Variants in NAALADL2 observed in about 807,000 individuals in gnomAD.
The protein encoded by NAALADL2 is N-acetylated alpha-linked acidic dipeptidase like 2.
A neutral mutation model predicts 87.2 loss-of-function variants in NAALADL2; 76 were observed. That is an observed-to-expected ratio of 0.87 (90% CI 0.72 to 1.05). NAALADL2 has a LOEUF of 1.05. NAALADL2 is among the 50% of genes least tolerant of loss of function. The pLI is 0.00. For synonymous variants in NAALADL2, 354 were observed against 331.0 expected (o/e 1.07, Z -0.75); for missense variants, 1,089 against 945.8 (o/e 1.15, Z -1.99).
chr3:175,677,654 G>A (rs965047279), intron 11 of NAALADL2, among the ~76,000 whole-genome samples: 14 of 152,004 alleles, frequency 9.2e-5, no homozygotes, highest in Admixed American at 5.9e-4. Context: ...TCTAGGAACT[G>A]TAGCTCATTA....
At chr3:175,305,276 G>GTGTGTGTGTGTGTGTGTGTATGTT (rs1400967706) in intron 4 of NAALADL2, among the ~76,000 whole-genome samples, 1 of 139,834 alleles carries the variant, frequency 7.2e-6, no homozygotes, top group East Asian at 2.1e-4. Flanking sequence ...GTGTGTATGT[G>GTGTGTGTGTGTGTGTGTGTATGTT]TATGTGTGTG....
At chr3:175,008,657 T>A (rs1749369389) in intron 1 of NAALADL2, among the ~76,000 whole-genome samples, 1 of 152,076 alleles carries the variant, frequency 6.6e-6, no homozygotes, top group African/African-American at 2.4e-5. Flanking sequence ...TGGTGGTGGC[T>A]TTGTGTTCAA....
chr3:174,509,395 C>T (rs1463885365), intron 1 of NAALADL2, among the ~76,000 whole-genome samples: 5 of 125,456 alleles, frequency 4.0e-5, no homozygotes, highest in Non-Finnish European at 7.0e-5. Context: ...GGTGTCTCTT[C>T]CTTTCTTTCT....
chr3:175,483,887 C>T (rs1327645252), intron 9 of NAALADL2, among the ~76,000 whole-genome samples: 1 of 152,090 alleles, frequency 6.6e-6, no homozygotes, highest in African/African-American at 2.4e-5. Flanking sequence ...GTACTAAATA[C>T]ATCTTTATAT....
intron 2 of NAALADL2, among the ~76,000 whole-genome samples, chr3:174,557,068 T>G (rs1005446953): frequency 1.4e-4 from 22 of 152,200 alleles, no homozygotes; most frequent in African/African-American, 4.6e-4. Context: ...AAATATATTT[T>G]TATTATATGA....
In NAALADL2 at chr3:175,803,786, T is replaced by A. The variant is rs1754463229; in HGVS notation, c.*583T>A. 6.6e-6 allele frequency: 1 copy of A among 152,396 alleles called. No individual in the cohort carries two copies. Among genetic ancestry groups the A allele is most frequent in the South Asian group, 2.1e-4 (1 of 4,832 alleles). 9.4% of individuals were successfully genotyped at this position (152,396 alleles called of 1,614,324 possible). ...CACTGGTTATGAAATTGTATTTTTT[T>A]AAGTATTAATGAAAAAAGAGCCATA... On this transcript the variant is annotated 3_prime_UTR_variant, in exon 14 of 14. Transcript: ENST00000454872.
chr3:174,737,900 T>A (rs954841698), intron 3 of NAALADL2, among the ~76,000 whole-genome samples: 1 of 152,232 alleles, frequency 6.6e-6, no homozygotes, highest in African/African-American at 2.4e-5. Flanking sequence ...TTTTATGTAT[T>A]CCAATTTTTA....
chr3:175,748,445 A>T (rs1050735545), intron 12 of NAALADL2, among the ~76,000 whole-genome samples: 1 of 152,088 alleles, frequency 6.6e-6, no homozygotes, highest in Non-Finnish European at 1.5e-5. Flanking sequence ...ATAATCTTCT[A>T]CTCTTTTAAC....
Position 175,225,577 on chromosome 3 carries a change from A to T in NAALADL2, c.546-8354A>T, listed in dbSNP as rs149180514. ...ATATGCTTATTTTGAAGTGTGGTAA[A>T]GTAAATATGCTTATTTTGAAGTGTG... On this transcript the variant is annotated intron_variant, in intron 2 of 13. Coordinates refer to ENST00000454872, the MANE Select transcript of NAALADL2 (RefSeq NM_207015.3). Among the ~76,000 whole-genome samples the T allele has an allele frequency of 1.7e-3, 255 of 152,250 alleles. 1 individual carries two copies. Among genetic ancestry groups the T allele is most frequent in the Admixed American group, 2.9e-3 (45 of 15,276 alleles).
chr3:175,783,397 A>C (rs1488500856), intron 13 of NAALADL2, among the ~76,000 whole-genome samples: 2 of 150,990 alleles, frequency 1.3e-5, no homozygotes, highest in African/African-American at 4.9e-5. Context: ...AGTGGTTTGT[A>C]GTTCTCCTTG....
At chr3:175,439,648 A>G (rs1318331849) in intron 5 of NAALADL2, among the ~76,000 whole-genome samples, 1 of 151,198 alleles carries the variant, frequency 6.6e-6, no homozygotes, top group Non-Finnish European at 1.5e-5. Flanking sequence ...TCTTGTGAAA[A>G]ATGTTTTTTC....
chr3:174,667,277 G>A (rs946774350), intron 2 of NAALADL2, among the ~76,000 whole-genome samples: 4 of 152,100 alleles, frequency 2.6e-5, no homozygotes, highest in Admixed American at 6.6e-5. Flanking sequence ...TAACAAGAGC[G>A]AGGTCTGGTA....
rs544447394 is a variant in NAALADL2 at position 175,605,162 on chromosome 3, A to G, written c.1801-22129A>G. On this transcript the variant is annotated intron_variant, in intron 10 of 13. Transcript: ENST00000454872. ...TGTCATTCATCTACTCATGACCTCAATGCCACCAGACCCTTTGCAGCTCAT... is the reference window on the plus strand; with the variant it reads ...TGTCATTCATCTACTCATGACCTCAGTGCCACCAGACCCTTTGCAGCTCAT... Among the ~76,000 whole-genome samples, 85 of 152,280 alleles carry G rather than the reference A, an allele frequency of 5.6e-4. 2 individuals carry two copies. Among genetic ancestry groups the G allele is most frequent in the Middle Eastern group, 6.8e-3 (2 of 294 alleles).
intron 2 of NAALADL2, among the ~76,000 whole-genome samples, chr3:174,658,172 T>C (rs1206802701): frequency 6.6e-6 from 1 of 152,174 alleles, no homozygotes; most frequent in African/African-American, 2.4e-5. Context: ...TAAGAGCATG[T>C]TTAATTTGGT....
chr3:174,568,885 G>T (rs9880239), intron 2 of NAALADL2, among the ~76,000 whole-genome samples: 75,272 of 150,420 alleles, frequency 0.5, 21,293 homozygotes, highest in East Asian at 0.81. Flanking sequence ...GAATATTTTC[G>T]AAAATATAAC....
chr3:174,913,364 C>A (rs1733955416), intron 1 of NAALADL2, among the ~76,000 whole-genome samples: 1 of 152,100 alleles, frequency 6.6e-6, no homozygotes, highest in Non-Finnish European at 1.5e-5. Flanking sequence ...GCAAACAGGG[C>A]TTCAAGACAG....
Position 175,458,617 on chromosome 3 carries a change from CATATCA to C in NAALADL2, c.1235-4776_1235-4771del, listed in dbSNP as rs199901941. Among the ~76,000 whole-genome samples the C allele has an allele frequency of 3.1e-3, 466 of 149,012 alleles. 2 individuals are homozygous for C. The highest frequency in any genetic ancestry group is 0.01 in the African/African-American group (412 of 40,864). The stretch of plus-strand genomic sequence containing the variant: ...TTATATATATATAAAACCATGAGAA[CATATCA>C]ATATCAAGTTTTATTTATCTTTCCA... On this transcript the variant is annotated intron_variant, in intron 6 of 13. Transcript: ENST00000454872.
intron 13 of NAALADL2, among the ~76,000 whole-genome samples, chr3:175,774,524 A>G (rs1335660007): frequency 6.6e-6 from 1 of 152,052 alleles, no homozygotes; most frequent in Non-Finnish European, 1.5e-5. Context: ...ACAACATAGT[A>G]AAGTAGATAT....
At chr3:175,685,609 G>C (rs1736174129) in intron 11 of NAALADL2, among the ~76,000 whole-genome samples, 1 of 151,996 alleles carries the variant, frequency 6.6e-6, no homozygotes, top group African/African-American at 2.4e-5. Context: ...TGCAGGGTGA[G>C]TCAGCAAGCT....
Sources: gnomAD v4.1 joint callset for allele counts (sites outside exome capture counted in the v4.1 genomes callset) on GRCh38, gnomAD v4.1.1 for gene constraint, MANE v1.5 for transcripts, NCBI Gene and HGNC (gene_info 2026-07-23, HGNC 2026-07-21) for gene names.